The following PPP3CC variants were observed in gnomAD, a reference collection of about 807,000 sequenced individuals.
The protein encoded by PPP3CC is protein phosphatase 3 catalytic subunit gamma, also known as serine/threonine-protein phosphatase 2B catalytic subunit gamma isoform.
Under a neutral mutation model 60.3 loss-of-function variants are expected in PPP3CC, and 35 were observed. The ratio of observed to expected loss-of-function variants is 0.58; its 90% CI spans 0.44 to 0.77. The LOEUF (loss-of-function observed/expected upper bound fraction) is 0.77. PPP3CC is among the 30% of genes least tolerant of loss of function. The pLI, the probability that PPP3CC is intolerant of heterozygous loss-of-function variation, is 0.00. For synonymous variants in PPP3CC, 206 were observed against 224.3 expected, an observed-to-expected ratio of 0.92 and a Z score of 0.73; for missense variants, 570 against 628.9, an observed-to-expected ratio of 0.91 and a Z score of 1.00.
chr8:22,484,039 G>T (rs1032226083), intron 3 of PPP3CC, among the ~76,000 whole-genome samples: 2 of 151,366 alleles, frequency 1.3e-5, no homozygotes, highest in African/African-American at 4.9e-5. Context: ...TTAGAGTTGG[G>T]TCTCACTGTG....
chr8:22,499,447 A>AC (rs1838698243), intron 4 of PPP3CC, among the ~76,000 whole-genome samples: 5 of 151,026 alleles, frequency 3.3e-5, no homozygotes, highest in Admixed American at 1.3e-4. Flanking sequence ...CTCCGTCTCA[A>AC]AAAAAAAAAG....
At chr8:22,492,231 A>T (rs1318254926) in intron 3 of PPP3CC, among the ~76,000 whole-genome samples, 1 of 152,044 alleles carries the variant, frequency 6.6e-6, no homozygotes, top group Non-Finnish European at 1.5e-5. Flanking sequence ...TAGATGTAGA[A>T]AAGATACAGT....
At position 22,508,196 on chromosome 8, in the gene PPP3CC, A is replaced by G. The variant is rs147410456; in HGVS notation, c.485-2890A>G. Among the ~76,000 whole-genome samples the G allele has an allele frequency of 2.7e-3, 414 of 152,304 alleles. 1 individual carries two copies. The highest frequency in any genetic ancestry group is 9.4e-3 in the African/African-American group (389 of 41,572). ...CTTGATCCTAGGAGCTTGAGGTTAC[A>G]GTGAGCTATGATTGCACTACTGCAC... is the stretch of plus-strand genomic sequence containing the variant. On this transcript the variant is annotated intron_variant, in intron 4 of 13. Transcript: ENST00000240139.
At chr8:22,463,856 G>A (rs1261274214) in intron 1 of PPP3CC, among the ~76,000 whole-genome samples, 6 of 150,240 alleles carry the variant, frequency 4.0e-5, no homozygotes, top group Admixed American at 6.7e-5. Flanking sequence ...GCATGATCTC[G>A]GCTCACTGCA....
intron 3 of PPP3CC, among the ~76,000 whole-genome samples, chr8:22,495,350 A>T (rs1838536674): frequency 6.6e-6 from 1 of 152,114 alleles, no homozygotes; most frequent in African/African-American, 2.4e-5. Flanking sequence ...AGTGCATCAT[A>T]GCTTAGCGTC....
chr8:22,497,060 G>A (rs774897538), intron 3 of PPP3CC, among the ~76,000 whole-genome samples: 2 of 151,772 alleles, frequency 1.3e-5, no homozygotes, highest in South Asian at 2.1e-4. Context: ...ACAGAGTTTC[G>A]CTCTTGTTGC....
In PPP3CC at chr8:22,486,682, TA is replaced by T. The variant is rs756125370; in HGVS notation, c.372+11059del. Among the ~76,000 whole-genome samples the T allele has an allele frequency of 1.7e-4, 26 of 151,910 alleles. No homozygotes were observed. The East Asian group carries it at 1.7e-3, about 10-fold the overall frequency. ...TTTCTTGGTGAAGATGTTGAACTAG[TA>T]CACCAAACCTGGACATCTCATCTCC... On this transcript the variant is annotated intron_variant, in intron 3 of 13. Coordinates refer to ENST00000240139, the MANE Select transcript of PPP3CC (RefSeq NM_005605.5).
chr8:22,461,433 G>A (rs1837359884), intron 1 of PPP3CC, among the ~76,000 whole-genome samples: 1 of 152,098 alleles, frequency 6.6e-6, no homozygotes, highest in Non-Finnish European at 1.5e-5. Flanking sequence ...TAATATTACT[G>A]TTGGTCGATT....
chr8:22,510,162 G>A (rs1281331711), intron 4 of PPP3CC, among the ~76,000 whole-genome samples: 2 of 131,196 alleles, frequency 1.5e-5, no homozygotes, highest in Non-Finnish European at 1.5e-5. Context: ...CAGCCTGGGG[G>A]ACAGAGCAAG....
chr8:22,494,012 G>A lies in PPP3CC; in HGVS notation c.373-3989G>A, dbSNP rs560608250. ...ATTATGATGGCTACATCACTAGGGT[G>A]TAGGAATTTTTCAGTTCATTTTAAT... On this transcript the variant is annotated intron_variant, in intron 3 of 13. Transcript: ENST00000240139. Among the ~76,000 whole-genome samples, 7 of 152,270 alleles carry A rather than the reference G, an allele frequency of 4.6e-5. No individual in the cohort carries two copies. The East Asian group carries it at 7.7e-4, about 17-fold the overall frequency.
chr8:22,540,952 G>A lies in PPP3CC; in HGVS notation c.*150G>A, dbSNP rs1839946427. ...GCATTTATTCTGTAAAAAGGTGGCT[G>A]TTTTATAAATTCTTTTAATTTATGT... On this transcript the variant is annotated 3_prime_UTR_variant, in exon 14 of 14. Coordinates refer to ENST00000240139, the MANE Select transcript of PPP3CC (RefSeq NM_005605.5). 2 of 639,192 alleles carry A rather than the reference G, an allele frequency of 3.1e-6. No homozygotes were observed. The highest frequency in any genetic ancestry group is 3.3e-5 in the East Asian group (1 of 30,064). 39.6% of individuals were successfully genotyped at this position (639,192 alleles called of 1,614,324 possible).
intron 3 of PPP3CC, among the ~76,000 whole-genome samples, chr8:22,485,827 T>C (rs548894332): frequency 1.3e-5 from 2 of 152,324 alleles, no homozygotes; most frequent in African/African-American, 2.4e-5. Context: ...CGAAATGTTA[T>C]GTGTTGCTCT....
chr8:22,523,614 T>C (rs1839466723), intron 8 of PPP3CC: 1 of 446,796 alleles, frequency 2.2e-6, no homozygotes, highest in African/African-American at 2.0e-5. Flanking sequence ...AAAACATTTT[T>C]GGAACTCCTC....
intron 6 of PPP3CC, among the ~76,000 whole-genome samples, chr8:22,518,862 T>C (rs769824349): frequency 3.3e-5 from 5 of 152,074 alleles, no homozygotes; most frequent in Non-Finnish European, 7.4e-5. Context: ...AATTTTTGTA[T>C]TTTTAGTAGA....
chr8:22,478,766 A>G (rs1446999035), intron 3 of PPP3CC, among the ~76,000 whole-genome samples: 4 of 152,222 alleles, frequency 2.6e-5, no homozygotes, highest in Non-Finnish European at 5.9e-5. Context: ...GACTTTTGTT[A>G]TAATATAAAA....
chr8:22,461,974 C>A (rs1348009079), intron 1 of PPP3CC, among the ~76,000 whole-genome samples: 1 of 152,086 alleles, frequency 6.6e-6, no homozygotes, highest in Non-Finnish European at 1.5e-5. Flanking sequence ...GTGGCTCACA[C>A]CTTTAATCCC....
chr8:22,441,521 CTCGGGGCGGA>C, intron 1 of PPP3CC, 63 bp downstream of exon 1: 1 of 1,470,092 alleles, frequency 6.8e-7, no homozygotes, highest in Non-Finnish European at 9.1e-7. Context: ...TGGGCGGCGG[CTCGGGGCGGA>C]GGGAGGCTGG....
At chr8:22,470,267 G>T (rs1191864690) in intron 1 of PPP3CC, among the ~76,000 whole-genome samples, 2 of 151,928 alleles carry the variant, frequency 1.3e-5, no homozygotes, top group Non-Finnish European at 2.9e-5. Flanking sequence ...GATTATAGGT[G>T]TGAGCCACGA....
At chr8:22,522,392 GA>G (rs1839430958) in intron 6 of PPP3CC, 98 bp from the exon 7 acceptor site, 1 of 906,260 alleles carries the variant, frequency 1.1e-6, no homozygotes, top group African/African-American at 1.7e-5. Context: ...TTGTAGTTTT[GA>G]AACAAAATCA....
Sources: gnomAD v4.1 joint callset for allele counts (sites outside exome capture counted in the v4.1 genomes callset) on GRCh38, gnomAD v4.1.1 for gene constraint, MANE v1.5 for transcripts, NCBI Gene and HGNC (gene_info 2026-07-23, HGNC 2026-07-21) for gene names.